SMURF2: variants seen among roughly 807,000 people sequenced by gnomAD.
The protein encoded by SMURF2 is E3 ubiquitin-protein ligase SMURF2.
A neutral mutation model predicts 109.6 loss-of-function variants in SMURF2; 48 were observed. That is an observed-to-expected ratio of 0.44 (90% CI 0.35 to 0.56). The LOEUF (loss-of-function observed/expected upper bound fraction) is 0.56, where lower values mean the gene tolerates loss of function less well. Ranked by LOEUF, SMURF2 falls within the 20% of genes least tolerant of loss-of-function variation. The probability of loss-of-function intolerance (pLI) is 0.01; values close to 1 mark genes in which losing one functional copy is unlikely to be tolerated. For synonymous variants in SMURF2, 288 were observed against 317.1 expected (o/e 0.91, Z 0.97); for missense variants, 575 against 909.0 (o/e 0.63, Z 4.72).
At chr17:64,574,318 A>G (rs1555685864) in intron 9 of SMURF2, among the ~76,000 whole-genome samples, 3 of 152,230 alleles carry the variant, frequency 2.0e-5, no homozygotes, top group Admixed American at 1.3e-4. Flanking sequence ...AGAAAAATGG[A>G]ATGTTATACA....
chr17:64,549,739 CAG>C (rs1969014306), intron 16 of SMURF2, among the ~76,000 whole-genome samples: 1 of 152,108 alleles, frequency 6.6e-6, no homozygotes, highest in South Asian at 2.1e-4. Flanking sequence ...GCCTGGGTGA[CAG>C]AGTGAGATTC....
chr17:64,562,913 G>C lies in SMURF2; in HGVS notation c.1070C>G (p.Pro357Arg), dbSNP rs781814801. ...GACTGTCAGGCATTCTGTGTCATCAGGACATAACGATACCACTTGCTGTTG... is the reference window on the plus strand; with the variant it reads ...GACTGTCAGGCATTCTGTGTCATCACGACATAACGATACCACTTGCTGTTG... ...QQQQQVVSLC[P>R]DDTECLTVPR... Residue 357 changes from proline to arginine, a missense_variant, in exon 11 of 19, where the codon CCT becomes CGT. This residue lies in a region of SMURF2 where 361 missense variants were observed against 612.1 expected (regional missense o/e 0.59). Transcript: ENST00000262435. The C allele has an allele frequency of 4.3e-6, 7 of 1,614,110 alleles. No individual in the cohort carries two copies. The highest frequency in any genetic ancestry group is 5.9e-6 in the Non-Finnish European group (7 of 1,179,996).
At chr17:64,585,546 C>A (rs1314651016) in intron 6 of SMURF2, among the ~76,000 whole-genome samples, 2 of 152,058 alleles carry the variant, frequency 1.3e-5, no homozygotes, top group Non-Finnish European at 2.9e-5. Flanking sequence ...AGCCAATACA[C>A]AGAATAGTAA....
At chr17:64,572,564 GA>G (rs1224927942) in intron 9 of SMURF2, among the ~76,000 whole-genome samples, 1 of 152,172 alleles carries the variant, frequency 6.6e-6, no homozygotes, top group East Asian at 1.9e-4. Flanking sequence ...ACTGCAATAA[GA>G]AAAGCTAAGA....
chr17:64,626,822 A>C (rs1351243266), intron 1 of SMURF2, among the ~76,000 whole-genome samples: 10 of 152,158 alleles, frequency 6.6e-5, no homozygotes, highest in Non-Finnish European at 1.3e-4. Flanking sequence ...GTCATTAAAA[A>C]ATTGATGAAA....
chr17:64,607,747 G>C (rs189941746), intron 1 of SMURF2, among the ~76,000 whole-genome samples: 68 of 151,730 alleles, frequency 4.5e-4, no homozygotes, highest in African/African-American at 1.5e-3. Context: ...AAGGTGGCTG[G>C]ATCGCTTGAG....
At chr17:64,583,705 T>C (rs963442804) in intron 6 of SMURF2, among the ~76,000 whole-genome samples, 161 bp from the exon 7 acceptor site, 1 of 152,214 alleles carries the variant, frequency 6.6e-6, no homozygotes, top group Non-Finnish European at 1.5e-5. Flanking sequence ...AACTCTGTAA[T>C]ATATTTTATG....
At chr17:64,624,515 A>C (rs939915827) in intron 1 of SMURF2, among the ~76,000 whole-genome samples, 16 of 150,960 alleles carry the variant, frequency 1.1e-4, no homozygotes, top group African/African-American at 3.9e-4. Context: ...AAAAAAAAAA[A>C]AAAAAATTAA....
At chr17:64,599,775 A>G (rs1969868546) in intron 2 of SMURF2, among the ~76,000 whole-genome samples, 1 of 152,210 alleles carries the variant, frequency 6.6e-6, no homozygotes, top group Non-Finnish European at 1.5e-5. Flanking sequence ...ACTGTCTTGC[A>G]TGAAACCGGT....
intron 1 of SMURF2, among the ~76,000 whole-genome samples, chr17:64,630,180 G>A (rs1255565173): frequency 2.0e-5 from 3 of 151,942 alleles, no homozygotes; most frequent in Non-Finnish European, 2.9e-5. Context: ...AGGTTGTGGT[G>A]AGCTGAGATC....
intron 1 of SMURF2, among the ~76,000 whole-genome samples, chr17:64,640,894 G>A (rs1970484424): frequency 6.7e-6 from 1 of 149,926 alleles, no homozygotes; most frequent in South Asian, 2.1e-4. Context: ...ACTCCAGCTT[G>A]GCAACAGAGT....
Position 64,559,195 on chromosome 17 carries a change from A to G in SMURF2, c.1317-1473T>C, listed in dbSNP as rs910118316. Among the ~76,000 whole-genome samples, 3 of 152,230 alleles carry G rather than the reference A, an allele frequency of 2.0e-5. No individual in the cohort carries two copies. The East Asian group carries it at 5.8e-4, about 29-fold the overall frequency. ...AAGTATTTAGAACACAAATAAGAGCAGAACTCAACTACTTTGAGATTCTAC... is the reference window on the plus strand; with the variant it reads ...AAGTATTTAGAACACAAATAAGAGCGGAACTCAACTACTTTGAGATTCTAC... On this transcript the variant is annotated intron_variant, in intron 12 of 18. Coordinates refer to ENST00000262435, the MANE Select transcript of SMURF2 (RefSeq NM_022739.4).
intron 16 of SMURF2, among the ~76,000 whole-genome samples, chr17:64,551,094 T>G (rs909538820): frequency 6.6e-6 from 1 of 152,066 alleles, no homozygotes; most frequent in Admixed American, 6.5e-5. Flanking sequence ...GCATGGTGGC[T>G]CAAGCCTATA....
chr17:64,627,564 C>T (rs782115217), intron 1 of SMURF2, among the ~76,000 whole-genome samples: 1 of 152,164 alleles, frequency 6.6e-6, no homozygotes, highest in Admixed American at 6.5e-5. Flanking sequence ...CTGAACTACA[C>T]GCAGACCTCT....
chr17:64,656,653 TA>T (rs139409210), intron 1 of SMURF2, among the ~76,000 whole-genome samples: 5,580 of 150,088 alleles, frequency 0.037, 352 homozygotes, highest in African/African-American at 0.13. Flanking sequence ...GGAAGCATCC[TA>T]AAAAAAAAGA....
At chr17:64,618,119 T>C (rs1458953466) in intron 1 of SMURF2, among the ~76,000 whole-genome samples, 1 of 152,198 alleles carries the variant, frequency 6.6e-6, no homozygotes, top group Non-Finnish European at 1.5e-5. Flanking sequence ...AATCAACTTC[T>C]GGTGTAAGTT....
chr17:64,546,258 C>T lies in SMURF2; in HGVS notation c.2147+5G>A. ...ATGGGGAATACAGCTACAAAAATAC[C>T]TTACCAAGTGTGGGCTTTCGGCAGG... On this transcript the variant is annotated splice_donor_5th_base_variant and intron_variant, in intron 18 of 18. Coordinates refer to ENST00000262435, the MANE Select transcript of SMURF2 (RefSeq NM_022739.4). The T allele has an allele frequency of 6.2e-7, 1 of 1,613,802 alleles. No individual in the cohort carries two copies. Among genetic ancestry groups the T allele is most frequent in the Non-Finnish European group, 8.5e-7 (1 of 1,179,752 alleles).
chr17:64,602,215 G>A (rs1969908271), intron 2 of SMURF2, among the ~76,000 whole-genome samples: 1 of 151,946 alleles, frequency 6.6e-6, no homozygotes, highest in Admixed American at 6.6e-5. Context: ...ACTATACACT[G>A]GGTACAGTGT....
chr17:64,591,708 A>G (rs1375839515), intron 4 of SMURF2, among the ~76,000 whole-genome samples: 3 of 152,200 alleles, frequency 2.0e-5, no homozygotes, highest in Non-Finnish European at 4.4e-5. Context: ...CCTGAAAGTT[A>G]CAGTAAGGAA....
Sources: allele counts gnomAD v4.1 joint callset (sites outside exome capture counted in the v4.1 genomes callset), GRCh38; gene constraint gnomAD v4.1.1; regional missense constraint gnomAD v4.1.1; transcripts MANE v1.5; gene names NCBI Gene and HGNC (gene_info 2026-07-23, HGNC 2026-07-21).